Variants in NFIA observed in about 807,000 individuals in gnomAD.
The protein encoded by NFIA is nuclear factor I A.
A neutral mutation model predicts 62.8 loss-of-function variants in NFIA; 8 were observed. The ratio of observed to expected loss-of-function variants is 0.13; its 90% CI spans 0.07 to 0.23. The LOEUF is 0.23. NFIA is among the 10% of genes least tolerant of loss of function. The pLI, the probability that NFIA is intolerant of heterozygous loss-of-function variation, is 1.00. For synonymous variants in NFIA, 235 were observed against 238.1 expected (o/e 0.99, Z 0.12); for missense variants, 410 against 642.1 (o/e 0.64, Z 3.91).
At chr1:61,328,426 A>AT (rs1424133696) in intron 3 of NFIA, among the ~76,000 whole-genome samples, 17 of 32,608 alleles carry the variant, frequency 5.2e-4, no homozygotes, top group African/African-American at 1.9e-3. Context: ...TTTTATATAT[A>AT]TATATTTTTT....
chr1:61,178,069 T>C (rs1650514724), intron 2 of NFIA, among the ~76,000 whole-genome samples: 1 of 152,178 alleles, frequency 6.6e-6, no homozygotes. Context: ...CCACTTCCCC[T>C]AGATCGCCAG....
At chr1:61,407,546 A>C (rs777842038) in intron 9 of NFIA, among the ~76,000 whole-genome samples, 13 of 152,102 alleles carry the variant, frequency 8.5e-5, no homozygotes, top group Non-Finnish European at 1.5e-4. Context: ...GAATAATGAC[A>C]AAAAGAGTGA....
At chr1:61,250,402 T>A (rs67412653) in intron 2 of NFIA, among the ~76,000 whole-genome samples, 9,152 of 152,302 alleles carry the variant, frequency 0.06, 370 homozygotes, top group South Asian at 0.15. Flanking sequence ...CTTTTTGTTC[T>A]GCTCCCCAAG....
intron 2 of NFIA, among the ~76,000 whole-genome samples, chr1:61,105,710 G>A (rs571383185): frequency 6.6e-6 from 1 of 151,966 alleles, no homozygotes; most frequent in South Asian, 2.1e-4. Context: ...TTCTGATTAT[G>A]TTTTTGTATT....
chr1:61,395,286 G>GT (rs371283588), intron 7 of NFIA, among the ~76,000 whole-genome samples: 26,727 of 133,206 alleles, frequency 0.2, 2,496 homozygotes, highest in East Asian at 0.29. Context: ...GTGTGTGTGT[G>GT]TGTTTTTTTT....
chr1:61,186,166 C>T (rs1171180856), intron 2 of NFIA, among the ~76,000 whole-genome samples: 1 of 152,118 alleles, frequency 6.6e-6, no homozygotes, highest in Non-Finnish European at 1.5e-5. Flanking sequence ...CATTGAGAGT[C>T]GGTGGAGCAC....
chr1:61,274,571 TG>T lies in NFIA; in HGVS notation c.560-2948del, dbSNP rs1373124569. On this transcript the variant is annotated intron_variant, in intron 2 of 10. Coordinates refer to ENST00000403491, the MANE Select transcript of NFIA (RefSeq NM_001134673.4). ...GTTCTATGCAGTTGGGTTTGTTTTC[TG>T]AGGTTCCTAATTATTTAAGGTGGTA... is the stretch of plus-strand genomic sequence containing the variant. 4.4e-4 allele frequency among the ~76,000 whole-genome samples: 67 copies of T among 152,344 alleles called. 1 individual carries two copies. Among genetic ancestry groups the T allele is most frequent in the African/African-American group, 1.5e-3 (64 of 41,590 alleles).
chr1:61,387,233 G>T (rs1327444885), intron 7 of NFIA, among the ~76,000 whole-genome samples: 1 of 152,014 alleles, frequency 6.6e-6, no homozygotes, highest in East Asian at 1.9e-4. Context: ...TGAACCAAAG[G>T]TTTCTCATCT....
At chr1:61,318,214 AACTT>A (rs139376233) in intron 3 of NFIA, among the ~76,000 whole-genome samples, 182 of 152,294 alleles carry the variant, frequency 1.2e-3, no homozygotes, top group Non-Finnish European at 1.6e-3. Context: ...TTAGATATAT[AACTT>A]ACTTAAGTTC....
intron 2 of NFIA, among the ~76,000 whole-genome samples, chr1:61,115,303 C>T (rs1473729310): frequency 6.6e-6 from 1 of 152,146 alleles, no homozygotes; most frequent in African/African-American, 2.4e-5. Flanking sequence ...TGATAACTTA[C>T]TGGAAGTAAG....
chr1:61,206,775 T>C (rs941482352), intron 2 of NFIA, among the ~76,000 whole-genome samples: 1 of 152,200 alleles, frequency 6.6e-6, no homozygotes, highest in Non-Finnish European at 1.5e-5. Flanking sequence ...TTCCTCTTTT[T>C]CTTTCAGAAT....
chr1:61,367,585 A>G (rs567150649), intron 6 of NFIA, among the ~76,000 whole-genome samples: 40 of 152,274 alleles, frequency 2.6e-4, no homozygotes, highest in African/African-American at 9.6e-4. Flanking sequence ...CTTCTTTACG[A>G]ACCCTTCTTT....
chr1:61,427,097 G>A (rs1036470547), intron 10 of NFIA, among the ~76,000 whole-genome samples: 9 of 152,156 alleles, frequency 5.9e-5, no homozygotes, highest in African/African-American at 1.9e-4. Flanking sequence ...CCACTGGGGA[G>A]CAAGGTGCGG....
intron 2 of NFIA, among the ~76,000 whole-genome samples, chr1:61,145,647 T>C (rs544834855): frequency 1.3e-5 from 2 of 152,142 alleles, no homozygotes; most frequent in South Asian, 2.1e-4. Context: ...ATGCGTTATA[T>C]GCAGGTGTTG....
chr1:61,437,594 C>T (rs1445454650), intron 10 of NFIA, among the ~76,000 whole-genome samples: 2 of 152,106 alleles, frequency 1.3e-5, no homozygotes, highest in African/African-American at 4.8e-5. Context: ...CAATCCCTGC[C>T]GTACATAGCT....
intron 3 of NFIA, among the ~76,000 whole-genome samples, chr1:61,326,006 A>G (rs1350976912): frequency 1.3e-5 from 2 of 151,736 alleles, no homozygotes; most frequent in African/African-American, 4.8e-5. Context: ...GCATTCACAT[A>G]TGTTTTACCT....
At chr1:61,374,344 A>AG (rs1464880870) in intron 6 of NFIA, among the ~76,000 whole-genome samples, 2 of 152,036 alleles carry the variant, frequency 1.3e-5, no homozygotes, top group Admixed American at 6.6e-5. Flanking sequence ...TGGGATGGCT[A>AG]GGGGGCAGAT....
intron 2 of NFIA, among the ~76,000 whole-genome samples, chr1:61,089,695 C>CTTTTTTTTTTTTTTTT (rs918196815): frequency 1.9e-5 from 2 of 107,748 alleles, no homozygotes; most frequent in South Asian, 3.1e-4. Context: ...GTTTTTTTTT[C>CTTTTTTTTTTTTTTTT]TTTTTTTTTT....
At chr1:61,302,309 CA>C (rs1378254580) in intron 3 of NFIA, among the ~76,000 whole-genome samples, 1 of 152,104 alleles carries the variant, frequency 6.6e-6, no homozygotes, top group Non-Finnish European at 1.5e-5. Context: ...TTAAACATAA[CA>C]GTACAAAAAG....
Sources: allele counts gnomAD v4.1 joint callset (sites outside exome capture counted in the v4.1 genomes callset), GRCh38; gene constraint gnomAD v4.1.1; transcripts MANE v1.5; gene names NCBI Gene and HGNC (gene_info 2026-07-23, HGNC 2026-07-21).